The following RAD51B variants were observed in gnomAD, a reference collection of about 807,000 sequenced individuals.
RAD51B encodes the protein DNA repair protein RAD51 homolog 2.
Under a neutral mutation model 42.2 loss-of-function variants are expected in RAD51B, and 38 were observed. That is an observed-to-expected ratio of 0.90 (90% CI 0.70 to 1.18). The LOEUF (loss-of-function observed/expected upper bound fraction) is 1.18. Ranked by LOEUF, RAD51B falls within the 50% of genes most tolerant of loss-of-function variation. RAD51B has a pLI of 0.00. For missense variants in RAD51B, 373 were observed against 400.7 expected (o/e 0.93, Z 0.59); for synonymous variants, 154 against 145.2 (o/e 1.06, Z -0.43).
intron 7 of RAD51B, among the ~76,000 whole-genome samples, chr14:67,944,240 A>G (rs1366967941): frequency 6.8e-6 from 1 of 146,972 alleles, no homozygotes; most frequent in Non-Finnish European, 1.5e-5. Flanking sequence ...CTGGAGAATA[A>G]TTTTAGGAAA....
chr14:68,518,572 C>T (rs1886338021), intron 10 of RAD51B, among the ~76,000 whole-genome samples: 1 of 151,170 alleles, frequency 6.6e-6, no homozygotes, highest in Non-Finnish European at 1.5e-5. Context: ...CCCAGGCCTC[C>T]CCCATCCACT....
intron 9 of RAD51B, among the ~76,000 whole-genome samples, chr14:68,456,519 G>GCTCCAT (rs1449931906): frequency 2.0e-5 from 3 of 152,276 alleles, no homozygotes; most frequent in African/African-American, 7.2e-5. Context: ...TAAAAGGATT[G>GCTCCAT]CTCCATCAGG....
intron 7 of RAD51B, among the ~76,000 whole-genome samples, chr14:67,891,850 G>A (rs1316645452): frequency 1.3e-5 from 2 of 151,990 alleles, no homozygotes; most frequent in Non-Finnish European, 2.9e-5. Context: ...GAGATAAGAG[G>A]AAAAAGAATG....
At chr14:68,563,370 C>G in intron 10 of RAD51B, 2 of 985,440 alleles carry the variant, frequency 2.0e-6, no homozygotes, top group Non-Finnish European at 2.4e-6. Context: ...AGTGATACTG[C>G]GAGCTGGGTT....
intron 7 of RAD51B, among the ~76,000 whole-genome samples, chr14:68,249,740 G>A (rs765524308): frequency 6.6e-6 from 1 of 152,282 alleles, no homozygotes; most frequent in South Asian, 2.1e-4. Flanking sequence ...GACATGAAAG[G>A]GCATTGTTGA....
At chr14:68,263,016 A>G (rs1245617668) in intron 7 of RAD51B, among the ~76,000 whole-genome samples, 1 of 152,162 alleles carries the variant, frequency 6.6e-6, no homozygotes, top group African/African-American at 2.4e-5. Context: ...TGTGGCTTTT[A>G]TTATAGAGGC....
At chr14:67,922,571 A>G (rs978147488) in intron 7 of RAD51B, among the ~76,000 whole-genome samples, 9 of 150,342 alleles carry the variant, frequency 6.0e-5, no homozygotes, top group African/African-American at 9.8e-5. Flanking sequence ...TTAAATTTCA[A>G]TAGGTTTTTC....
intron 5 of RAD51B, among the ~76,000 whole-genome samples, chr14:67,875,913 T>C (rs2042710732): frequency 2.0e-5 from 3 of 152,190 alleles, no homozygotes; most frequent in South Asian, 2.1e-4. Flanking sequence ...AAATTTGGAA[T>C]CTTTGACCCA....
intron 11 of RAD51B, among the ~76,000 whole-genome samples, chr14:68,656,512 CT>C (rs920621752): frequency 1.1e-4 from 16 of 152,202 alleles, no homozygotes; most frequent in African/African-American, 3.6e-4. Context: ...ATTGCCACCC[CT>C]CCCAGCCTCT....
chr14:68,427,817 T>A (rs1032275509), intron 9 of RAD51B, among the ~76,000 whole-genome samples: 3 of 152,126 alleles, frequency 2.0e-5, no homozygotes, highest in African/African-American at 7.2e-5. Context: ...GACATGAATT[T>A]GGGGGGCTGG....
chr14:68,238,974 G>A (rs77073425), intron 7 of RAD51B, among the ~76,000 whole-genome samples: 4,484 of 152,266 alleles, frequency 0.029, 222 homozygotes, highest in African/African-American at 0.1. Flanking sequence ...CCACTATCAG[G>A]AGACACTAGT....
At chr14:68,592,040 C>A (rs1241839101) in intron 10 of RAD51B, among the ~76,000 whole-genome samples, 1 of 152,116 alleles carries the variant, frequency 6.6e-6, no homozygotes, top group Non-Finnish European at 1.5e-5. Context: ...CTCTGATAGT[C>A]CTACTCCCTG....
intron 7 of RAD51B, among the ~76,000 whole-genome samples, chr14:67,894,989 G>T (rs2043363180): frequency 6.6e-6 from 1 of 152,054 alleles, no homozygotes; most frequent in South Asian, 2.1e-4. Flanking sequence ...TGCCCAGGCT[G>T]GTCTTGAACT....
intron 8 of RAD51B, among the ~76,000 whole-genome samples, chr14:68,389,056 A>G (rs867297979): frequency 1.3e-5 from 2 of 152,222 alleles, no homozygotes; most frequent in South Asian, 2.1e-4. Flanking sequence ...TCCTTCTTCT[A>G]GACTTCTTGA....
At chr14:68,134,523 T>A (rs2077968130) in intron 7 of RAD51B, among the ~76,000 whole-genome samples, 1 of 152,230 alleles carries the variant, frequency 6.6e-6, no homozygotes, top group Non-Finnish European at 1.5e-5. Flanking sequence ...ACTATCAGAC[T>A]GTTTTCCAGA....
chr14:68,423,493 T>C (rs962451121), intron 9 of RAD51B, among the ~76,000 whole-genome samples: 1 of 152,196 alleles, frequency 6.6e-6, no homozygotes, highest in African/African-American at 2.4e-5. Context: ...TTGGAGCACA[T>C]TGAACGTTAT....
At chr14:68,555,135 C>A (rs781232721) in intron 10 of RAD51B, among the ~76,000 whole-genome samples, 2 of 152,148 alleles carry the variant, frequency 1.3e-5, no homozygotes, top group Admixed American at 6.5e-5. Context: ...CATGAGCTAC[C>A]GTGCCCGGCC....
intron 9 of RAD51B, among the ~76,000 whole-genome samples, chr14:68,438,528 A>G (rs1038379923): frequency 4.6e-5 from 7 of 152,308 alleles, no homozygotes; most frequent in African/African-American, 9.6e-5. Context: ...CCAGGCCTCA[A>G]TGACTGCCAT....
At chr14:68,610,387 C>T (rs941594717) in intron 10 of RAD51B, among the ~76,000 whole-genome samples, 2 of 152,194 alleles carry the variant, frequency 1.3e-5, no homozygotes, top group Non-Finnish European at 2.9e-5. Context: ...GCCTTTGGGC[C>T]TCGCTTCCCG....
Sources: allele counts gnomAD v4.1 joint callset (sites outside exome capture counted in the v4.1 genomes callset), GRCh38; gene constraint gnomAD v4.1.1; transcripts MANE v1.5; gene names NCBI Gene and HGNC (gene_info 2026-07-23, HGNC 2026-07-21).